The following SPAG17 variants were observed in gnomAD, a reference collection of about 807,000 sequenced individuals.
The protein encoded by SPAG17 is sperm-associated antigen 17.
In SPAG17, 169 loss-of-function variants were observed where a neutral mutation model predicts 273.6. The observed-to-expected ratio is 0.62, with a 90% CI of 0.55 to 0.70. The LOEUF is 0.70. Among genes scored for constraint, SPAG17 ranks in the 30% least tolerant of loss-of-function variants. SPAG17 has a pLI of 0.00. For synonymous variants in SPAG17, 825 were observed against 873.2 expected, an observed-to-expected ratio of 0.94 and a Z score of 0.97; for missense variants, 2,557 against 2,627.8, an observed-to-expected ratio of 0.97 and a Z score of 0.59.
chr1:118,164,614 T>C (rs539609150), intron 1 of SPAG17, among the ~76,000 whole-genome samples: 1 of 152,348 alleles, frequency 6.6e-6, no homozygotes, highest in African/African-American at 2.4e-5. Flanking sequence ...ATAGGGTCTG[T>C]TTAAGCTTCC....
intron 38 of SPAG17, among the ~76,000 whole-genome samples, chr1:117,989,836 TC>T (rs1656876516): frequency 6.6e-6 from 1 of 151,996 alleles, no homozygotes. Flanking sequence ...CACTTTGGCC[TC>T]CCGAAGTGCT....
At chr1:118,010,555 T>A (rs1659368068) in intron 30 of SPAG17, among the ~76,000 whole-genome samples, 1 of 152,016 alleles carries the variant, frequency 6.6e-6, no homozygotes, top group African/African-American at 2.4e-5. Flanking sequence ...CCATATAGAA[T>A]AATTATCTAA....
chr1:117,967,857 GA>G (rs1268816464), intron 46 of SPAG17, among the ~76,000 whole-genome samples: 1 of 152,062 alleles, frequency 6.6e-6, no homozygotes, highest in Admixed American at 6.5e-5. Flanking sequence ...CAGTTATCTA[GA>G]AAAAAATAAA....
chr1:118,015,076 G>A lies in SPAG17; in HGVS notation c.4287+889C>T, dbSNP rs1006706638. 5.3e-4 allele frequency among the ~76,000 whole-genome samples: 81 copies of A among 152,222 alleles called. 1 individual carries two copies. The highest frequency in any genetic ancestry group is 2.7e-3 in the Admixed American group (41 of 15,280). The stretch of plus-strand genomic sequence containing the variant: ...GAGGCGGGCCGATCACCTGAAGTCA[G>A]GAGTTGGAGGCTAGCTTGGCCAACA... On this transcript the variant is annotated intron_variant, in intron 29 of 48. Transcript: ENST00000336338.
chr1:118,081,058 T>TACACACAC lies in SPAG17; in HGVS notation c.2209+35_2209+42dup, dbSNP rs56768861. On this transcript the variant is annotated intron_variant, in intron 15 of 48. Coordinates refer to ENST00000336338, the MANE Select transcript of SPAG17 (RefSeq NM_206996.4). The stretch of plus-strand genomic sequence containing the variant: ...ATTTATGTGTACTATAATAGTGTCT[T>TACACACAC]ACACACACACACACACACACACACA... The TACACACAC allele has an allele frequency of 6.2e-5, 75 of 1,213,658 alleles. No homozygotes were observed. The African/African-American group carries it at 8.6e-4, about 14-fold the overall frequency. The allele number at this position is 1,213,658 out of a possible 1,614,324, so 75.2% of individuals were successfully genotyped here.
In SPAG17 at chr1:117,994,465, C is replaced by T; in HGVS notation, c.5119G>A (p.Asp1707Asn). 1.2e-6 allele frequency: 2 copies of T among 1,612,990 alleles called. No individual in the cohort carries two copies. The highest frequency in any genetic ancestry group is 1.7e-6 in the Non-Finnish European group (2 of 1,179,282). The change falls in exon 35 of 49, where the codon GAT (aspartate) becomes AAT (asparagine). Residue 1707 changes from aspartate to asparagine, a missense_variant. By Grantham distance (23) the Asp-to-Asn change is conservative (BLOSUM62 1). Coordinates refer to ENST00000336338, the MANE Select transcript of SPAG17 (RefSeq NM_206996.4). The part of the protein sequence containing the change: ...EASPWQVKKE[D>N]TIVPPNLRSR... ...CGGAGATTAGGAGGGACAATTGTAT[C>T]TTCCTTTTTTACTTGCCATGGTGAT... is the stretch of plus-strand genomic sequence containing the variant.
intron 15 of SPAG17, among the ~76,000 whole-genome samples, chr1:118,074,977 A>G (rs915460077): frequency 6.6e-5 from 10 of 152,194 alleles, no homozygotes; most frequent in African/African-American, 2.2e-4. Context: ...GCTGGTGACT[A>G]TCACAAAGCC....
intron 43 of SPAG17, among the ~76,000 whole-genome samples, chr1:117,979,277 C>T (rs1655490342): frequency 6.6e-6 from 1 of 152,162 alleles, no homozygotes. Context: ...ATATCAGCAA[C>T]ATCAGCACCA....
intron 48 of SPAG17, chr1:117,959,090 G>C: frequency 7.3e-7 from 1 of 1,377,022 alleles, no homozygotes; most frequent in South Asian, 1.3e-5. Context: ...TTTGTCTTTA[G>C]CAATACCCAC....
intron 3 of SPAG17, among the ~76,000 whole-genome samples, chr1:118,126,969 C>T (rs1657771429): frequency 6.6e-6 from 1 of 152,154 alleles, no homozygotes; most frequent in Non-Finnish European, 1.5e-5. Flanking sequence ...ATGTTCTTGG[C>T]ACTTTTGTCA....
chr1:117,973,465 T>G lies in SPAG17; in HGVS notation c.6101A>C (p.Tyr2034Ser). ...TRKEKVKLPH[Y>S]LLSSKPKSQP... ...AGACTTAGGCTTGGAACTCAGCAAA[T>G]AATGAGGCAACTTCACTTTTTCTTT... Residue 2034 changes from tyrosine (Y) to serine (S), a missense_variant, in exon 44 of 49, where the codon TAT becomes TCT. Physicochemically the swap from Tyr to Ser is moderately radical, Grantham distance 144 (BLOSUM62 -2). Coordinates refer to ENST00000336338, the MANE Select transcript of SPAG17 (RefSeq NM_206996.4). 1 of 1,613,934 alleles carries G rather than the reference T, an allele frequency of 6.2e-7. No homozygotes were observed. The highest frequency in any genetic ancestry group is 8.5e-7 in the Non-Finnish European group (1 of 1,179,862).
intron 15 of SPAG17, among the ~76,000 whole-genome samples, chr1:118,077,370 G>A (rs558770558): frequency 1.1e-3 from 162 of 152,022 alleles, no homozygotes; most frequent in Non-Finnish European, 1.7e-3. Flanking sequence ...TCCAGATTGC[G>A]TGGCCTCTAG....
intron 1 of SPAG17, among the ~76,000 whole-genome samples, chr1:118,162,482 A>G (rs900444723): frequency 6.6e-6 from 1 of 152,230 alleles, no homozygotes; most frequent in African/African-American, 2.4e-5. Context: ...GAATAGGCAT[A>G]AGGCATAATC....
intron 46 of SPAG17, among the ~76,000 whole-genome samples, chr1:117,968,118 T>C (rs1654078577): frequency 6.6e-6 from 1 of 152,168 alleles, no homozygotes. Context: ...TTGCCCAGGC[T>C]TTGAGCAGAT....
chr1:118,151,943 C>T (rs1353981772), intron 1 of SPAG17, among the ~76,000 whole-genome samples: 1 of 152,158 alleles, frequency 6.6e-6, no homozygotes, highest in East Asian at 1.9e-4. Context: ...TGAAATTTTG[C>T]ATCAAATAAT....
At chr1:118,094,818 C>A (rs1655607239) in intron 7 of SPAG17, among the ~76,000 whole-genome samples, 1 of 152,160 alleles carries the variant, frequency 6.6e-6, no homozygotes, top group African/African-American at 2.4e-5. Context: ...CCATATCTTA[C>A]AGAAGCATGC....
At chr1:118,074,468 T>C in intron 16 of SPAG17, 71 bp downstream of exon 16, 2 of 1,299,464 alleles carry the variant, frequency 1.5e-6, no homozygotes, top group Non-Finnish European at 2.2e-6. Context: ...TTTTTCAGTG[T>C]TTCTTACTCC....
intron 22 of SPAG17, 101 bp from the exon 23 acceptor site, chr1:118,039,545 A>G: frequency 8.2e-7 from 1 of 1,212,926 alleles, no homozygotes; most frequent in South Asian, 1.3e-5. Flanking sequence ...AAACACACGA[A>G]CAGAAAACCA....
chr1:118,086,832 T>C (rs370664155), intron 11 of SPAG17, 39 bp downstream of exon 11: 1 of 1,614,124 alleles, frequency 6.2e-7, no homozygotes. Flanking sequence ...TCTATACTTT[T>C]CCAAAGCATG....
Sources: gnomAD v4.1 joint callset for allele counts (sites outside exome capture counted in the v4.1 genomes callset) on GRCh38, gnomAD v4.1.1 for gene constraint, MANE v1.5 for transcripts, NCBI Gene and HGNC (gene_info 2026-07-23, HGNC 2026-07-21) for gene names.